CENPW: variants seen among roughly 807,000 people sequenced by gnomAD.
The protein encoded by CENPW is cancer-up-regulated gene 2 protein.
A neutral mutation model predicts 11.1 loss-of-function variants in CENPW; 3 were observed. The ratio of observed to expected loss-of-function variants is 0.27; its 90% CI spans 0.12 to 0.70. CENPW has a LOEUF of 0.70. Ranked by LOEUF, CENPW falls within the 30% of genes least tolerant of loss-of-function variation. The probability of loss-of-function intolerance (pLI) is 0.77; values close to 1 mark genes in which losing one functional copy is unlikely to be tolerated. For synonymous variants in CENPW, 38 were observed against 42.0 expected, an observed-to-expected ratio of 0.91 and a Z score of 0.37; for missense variants, 100 against 105.6, an observed-to-expected ratio of 0.95 and a Z score of 0.23.
the CENPW span, among the ~76,000 whole-genome samples, chr6:126,387,153 T>C: frequency 6.6e-6 from 1 of 152,050 alleles, no homozygotes; most frequent in South Asian, 2.1e-4. Flanking sequence ...ATTCCAAGCC[T>C]TTCTACTTTT....
At chr6:126,449,569 G>A in the CENPW span, among the ~76,000 whole-genome samples, 12 of 151,008 alleles carry the variant, frequency 7.9e-5, no homozygotes, top group African/African-American at 2.7e-4. Context: ...GCTGTGACAG[G>A]GACCAATTAA....
chr6:126,340,486 C>A (rs934732760), intron 1 of CENPW, 87 bp downstream of exon 1: 2 of 1,596,714 alleles, frequency 1.3e-6, no homozygotes, highest in African/African-American at 1.3e-5. Context: ...CCGCCCCGAG[C>A]CAATTTATAG....
chr6:126,341,847 C>T (rs1032158152), intron 1 of CENPW, among the ~76,000 whole-genome samples: 1 of 152,170 alleles, frequency 6.6e-6, no homozygotes, highest in African/African-American at 2.4e-5. Context: ...AGCATCCTCC[C>T]ACATCTACCC....
At chr6:126,414,784 TAAATA>T in the CENPW span, among the ~76,000 whole-genome samples, 3 of 150,214 alleles carry the variant, frequency 2.0e-5, no homozygotes, top group African/African-American at 4.9e-5. Flanking sequence ...AATAAGAACA[TAAATA>T]AAATAAAACT....
chr6:126,387,452 T>C, the CENPW span, among the ~76,000 whole-genome samples: 2 of 151,944 alleles, frequency 1.3e-5, no homozygotes, highest in Admixed American at 1.3e-4. Context: ...AAAGCCATAG[T>C]AATATTTTTG....
chr6:126,345,855 A>T (rs1473112164), intron 1 of CENPW, among the ~76,000 whole-genome samples: 3 of 152,188 alleles, frequency 2.0e-5, no homozygotes, highest in African/African-American at 7.2e-5. Flanking sequence ...ATTTTCTGGA[A>T]ATTTTAAATT....
chr6:126,459,454 T>G, the CENPW span, among the ~76,000 whole-genome samples: 1 of 151,610 alleles, frequency 6.6e-6, no homozygotes, highest in African/African-American at 2.4e-5. Context: ...AAAATAAGAT[T>G]AGAAAGTATC....
chr6:126,384,461 G>T, the CENPW span, among the ~76,000 whole-genome samples: 1 of 152,058 alleles, frequency 6.6e-6, no homozygotes, highest in Admixed American at 6.6e-5. Flanking sequence ...AGAGAGCCCA[G>T]AAATAAGACT....
At chr6:126,457,604 T>C in the CENPW span, among the ~76,000 whole-genome samples, 4 of 151,326 alleles carry the variant, frequency 2.6e-5, no homozygotes, top group African/African-American at 4.8e-5. Context: ...GAAGAGGCTT[T>C]ATCAGCGTCA....
the CENPW span, among the ~76,000 whole-genome samples, chr6:126,445,154 A>G: frequency 6.6e-6 from 1 of 151,104 alleles, no homozygotes; most frequent in African/African-American, 2.4e-5. Context: ...AGGACACTTT[A>G]TTTTGAGGGT....
At chr6:126,369,955 C>T in the CENPW span, among the ~76,000 whole-genome samples, 2 of 152,172 alleles carry the variant, frequency 1.3e-5, no homozygotes, top group African/African-American at 2.4e-5. Flanking sequence ...TTTTGTATAA[C>T]GTGAGAGATG....
chr6:126,472,976 A>G, the CENPW span, among the ~76,000 whole-genome samples: 1 of 152,240 alleles, frequency 6.6e-6, no homozygotes, highest in African/African-American at 2.4e-5. Context: ...GATGCTCAAC[A>G]TTATTAGACA....
At chr6:126,467,273 T>C in the CENPW span, among the ~76,000 whole-genome samples, 1 of 152,092 alleles carries the variant, frequency 6.6e-6, no homozygotes, top group Non-Finnish European at 1.5e-5. Flanking sequence ...CAAAACAGCA[T>C]GGTACTGGTA....
the CENPW span, among the ~76,000 whole-genome samples, chr6:126,476,879 C>T: frequency 6.6e-6 from 1 of 151,780 alleles, no homozygotes; most frequent in African/African-American, 2.4e-5. Flanking sequence ...ATGTCTAAAA[C>T]CAGATGGGTT....
the CENPW span, among the ~76,000 whole-genome samples, chr6:126,460,257 C>A: frequency 6.6e-6 from 1 of 151,592 alleles, no homozygotes; most frequent in South Asian, 2.1e-4. Flanking sequence ...CATTTGGGAC[C>A]CTTAATTTAA....
chr6:126,365,574 A>G, the CENPW span, among the ~76,000 whole-genome samples: 2 of 152,180 alleles, frequency 1.3e-5, no homozygotes, highest in African/African-American at 4.8e-5. Flanking sequence ...ATCACCTTCC[A>G]CCAGCCCCCT....
chr6:126,444,202 A>T, the CENPW span, among the ~76,000 whole-genome samples: 1 of 149,402 alleles, frequency 6.7e-6, no homozygotes, highest in Non-Finnish European at 1.5e-5. Flanking sequence ...ATGGTTTGTT[A>T]TTTCTGTACA....
chr6:126,398,347 A>G, the CENPW span, among the ~76,000 whole-genome samples: 2 of 152,198 alleles, frequency 1.3e-5, no homozygotes, highest in East Asian at 1.9e-4. Context: ...CCAAATAAAT[A>G]TGTGTTGAAA....
the CENPW span, among the ~76,000 whole-genome samples, chr6:126,365,509 C>G: frequency 6.6e-6 from 1 of 152,192 alleles, no homozygotes; most frequent in South Asian, 2.1e-4. Flanking sequence ...ACAACCAGAT[C>G]TCCTGAGAAC....
Sources: gnomAD v4.1 joint callset for allele counts (sites outside exome capture counted in the v4.1 genomes callset) on GRCh38, gnomAD v4.1.1 for gene constraint, MANE v1.5 for transcripts, NCBI Gene and HGNC (gene_info 2026-07-23, HGNC 2026-07-21) for gene names.